Variants in NELL2 observed in about 807,000 individuals in gnomAD.
NELL2 encodes the protein protein kinase C-binding protein NELL2.
NELL2 carries 41 observed loss-of-function variants against 109.6 expected under a neutral mutation model. That is an observed-to-expected ratio of 0.37 (90% confidence interval 0.29 to 0.49). The LOEUF (loss-of-function observed/expected upper bound fraction) is 0.49. NELL2 is among the 20% of genes least tolerant of loss of function. The pLI, the probability that NELL2 is intolerant of heterozygous loss-of-function variation, is 0.98. For synonymous variants in NELL2, 355 were observed against 344.7 expected, an observed-to-expected ratio of 1.03 and a Z score of -0.33; for missense variants, 900 against 1,008.3, an observed-to-expected ratio of 0.89 and a Z score of 1.45.
chr12:44,539,302 A>G (rs753709841), intron 15 of NELL2, among the ~76,000 whole-genome samples: 29 of 152,148 alleles, frequency 1.9e-4, no homozygotes, highest in Non-Finnish European at 3.7e-4. Flanking sequence ...TTTCAGATTT[A>G]TTAGTTGGTG....
chr12:44,588,082 T>TGGAGGTTGCAGGGAGGC (rs1254945324), intron 15 of NELL2, among the ~76,000 whole-genome samples: 2 of 151,184 alleles, frequency 1.3e-5, no homozygotes, highest in African/African-American at 2.4e-5. Flanking sequence ...ACCCGGGAGG[T>TGGAGGTTGCAGGGAGGC]GGAGGTTGCA....
chr12:44,918,209 A>G (rs1945842811), upstream of NELL2, among the ~76,000 whole-genome samples: 1 of 152,208 alleles, frequency 6.6e-6, no homozygotes, highest in Non-Finnish European at 1.5e-5. Flanking sequence ...TATTTACATT[A>G]AATTTGACTT....
chr12:44,818,454 G>T (rs368426321), intron 2 of NELL2, among the ~76,000 whole-genome samples: 1 of 152,314 alleles, frequency 6.6e-6, no homozygotes, highest in East Asian at 1.9e-4. Flanking sequence ...AAGGATTACA[G>T]TGAATACACA....
chr12:44,918,032 A>C (rs1945841702), upstream of NELL2, among the ~76,000 whole-genome samples: 1 of 152,232 alleles, frequency 6.6e-6, no homozygotes, highest in African/African-American at 2.4e-5. Context: ...TTTCCTCTTG[A>C]AAATAATGTT....
At chr12:44,683,007 G>A (rs1319751523) in intron 12 of NELL2, among the ~76,000 whole-genome samples, 1 of 152,072 alleles carries the variant, frequency 6.6e-6, no homozygotes, top group African/African-American at 2.4e-5. Flanking sequence ...AATTACCTTG[G>A]GCAGTATGGC....
At chr12:44,716,166 G>A (rs929559224) in intron 9 of NELL2, among the ~76,000 whole-genome samples, 6 of 151,792 alleles carry the variant, frequency 4.0e-5, no homozygotes, top group Admixed American at 2.0e-4. Flanking sequence ...CCTGACTCTC[G>A]CTTTCCTTGA....
At chr12:44,693,311 T>C (rs1948956729) in intron 12 of NELL2, among the ~76,000 whole-genome samples, 1 of 152,198 alleles carries the variant, frequency 6.6e-6, no homozygotes, top group South Asian at 2.1e-4. Context: ...AAAGACATAA[T>C]GACATTGCAC....
At chr12:44,573,877 T>C (rs992398031) in intron 15 of NELL2, among the ~76,000 whole-genome samples, 1 of 152,142 alleles carries the variant, frequency 6.6e-6, no homozygotes, top group Non-Finnish European at 1.5e-5. Context: ...TATACCAGTT[T>C]CTAGGAGATT....
intron 13 of NELL2, among the ~76,000 whole-genome samples, chr12:44,640,452 T>G (rs1946811628): frequency 6.6e-6 from 1 of 152,224 alleles, no homozygotes; most frequent in African/African-American, 2.4e-5. Context: ...CCTCCTTGAA[T>G]TTCTATAAGC....
At chr12:44,862,458 A>G (rs1034802681) in intron 2 of NELL2, among the ~76,000 whole-genome samples, 1 of 152,234 alleles carries the variant, frequency 6.6e-6, no homozygotes, top group African/African-American at 2.4e-5. Context: ...CCAAAGATTA[A>G]TCTGATGAAT....
intron 1 of NELL2, among the ~76,000 whole-genome samples, chr12:44,882,890 T>C (rs1042131547): frequency 3.5e-5 from 5 of 142,958 alleles, no homozygotes; most frequent in African/African-American, 1.3e-4. Flanking sequence ...ACCCAGACTG[T>C]AGCGTAGTGG....
chr12:44,641,810 C>T (rs549249215), intron 13 of NELL2, among the ~76,000 whole-genome samples: 1 of 149,482 alleles, frequency 6.7e-6, no homozygotes, highest in South Asian at 2.1e-4. Flanking sequence ...AATTTTCCTG[C>T]CTCAGTCTCC....
At position 44,660,896 on chromosome 12, in the gene NELL2, C is replaced by A. The variant is rs575606958; in HGVS notation, c.1444+4588G>T. ...CAGGAGAGGGTTCTCCTCCACTCAC[C>A]AGGAATGTTAGGTGATGGTTTGGCA... On this transcript the variant is annotated intron_variant, in intron 13 of 19. Transcript: ENST00000429094. 2.5e-3 allele frequency among the ~76,000 whole-genome samples: 388 copies of A among 152,162 alleles called. 1 individual carries two copies. The highest frequency in any genetic ancestry group is 0.01 in the Middle Eastern group (3 of 294).
intron 2 of NELL2, among the ~76,000 whole-genome samples, chr12:44,869,093 T>G (rs945094109): frequency 2.6e-5 from 4 of 152,108 alleles, no homozygotes; most frequent in Admixed American, 2.6e-4. Flanking sequence ...AAAACAGGTA[T>G]GAGAAAGGCG....
At position 44,518,297 on chromosome 12, in the gene NELL2, G is replaced by T. The variant is rs368120849; in HGVS notation, c.2400+1708C>A. On this transcript the variant is annotated intron_variant, in intron 19 of 19. Transcript: ENST00000429094. Reference sequence around the variant, plus strand: ...TCTCGCTCTGTTGCCCAGGCTGGAGGGCAGTGGCACAATCTCAGCTCACTG... The same window carrying T: ...TCTCGCTCTGTTGCCCAGGCTGGAGTGCAGTGGCACAATCTCAGCTCACTG... Among the ~76,000 whole-genome samples, 1,005 of 150,850 alleles carry T rather than the reference G, an allele frequency of 6.7e-3. 9 individuals are homozygous for T. Among genetic ancestry groups the T allele is most frequent in the African/African-American group, 0.023 (944 of 41,018 alleles).
rs751544655 is a variant in NELL2 at position 44,703,795 on chromosome 12, T to G, written c.1249A>C (p.Asn417His). The G allele has an allele frequency of 6.2e-7, 1 of 1,613,520 alleles. No homozygotes were observed. The highest frequency in any genetic ancestry group is 8.5e-7 in the Non-Finnish European group (1 of 1,179,678). The part of the protein sequence containing the change: ...CMENSICRNL[N>H]DRAVCSCRDG... ...CGACAGCTACAAACAGCCCTGTCAT[T>G]CAGATTTCTGCAGATGGAATTCTCC... The change falls in exon 12 of 20, where the codon AAT becomes CAT. Residue 417 changes from asparagine to histidine, a missense_variant. Around this residue, in one of 4 missense-constraint regions of NELL2, gnomAD observed 292 missense variants for 265.3 expected, o/e 1.10. Coordinates refer to ENST00000429094, the MANE Select transcript of NELL2 (RefSeq NM_001145108.2).
At chr12:44,898,877 T>C (rs2136878447) in intron 1 of NELL2, among the ~76,000 whole-genome samples, 1 of 151,496 alleles carries the variant, frequency 6.6e-6, no homozygotes, top group African/African-American at 2.4e-5. Flanking sequence ...TTAGAGGAAC[T>C]GCTAACTAGA....
chr12:44,749,883 A>G (rs771929211), intron 9 of NELL2, among the ~76,000 whole-genome samples: 31 of 152,180 alleles, frequency 2.0e-4, no homozygotes, highest in Non-Finnish European at 3.1e-4. Context: ...TAGTGAGTAT[A>G]CAAGGAACAG....
chr12:44,583,331 T>A (rs1358228059), intron 15 of NELL2, among the ~76,000 whole-genome samples: 1 of 152,198 alleles, frequency 6.6e-6, no homozygotes, highest in Non-Finnish European at 1.5e-5. Flanking sequence ...TTAGTCTATT[T>A]TATTTTCCGT....
Sources: gnomAD v4.1 joint callset for allele counts (sites outside exome capture counted in the v4.1 genomes callset) on GRCh38, gnomAD v4.1.1 for gene constraint, gnomAD v4.1.1 regional missense constraint, MANE v1.5 for transcripts, NCBI Gene and HGNC (gene_info 2026-07-23, HGNC 2026-07-21) for gene names.